PAMR1: variants seen among roughly 807,000 people sequenced by gnomAD.
PAMR1 encodes the protein peptidase domain containing associated with muscle regeneration 1.
PAMR1 carries 88 observed loss-of-function variants against 81.8 expected under a neutral mutation model. That is an observed-to-expected ratio of 1.08 (90% CI 0.91 to 1.28). The LOEUF is 1.28. Among genes scored for constraint, PAMR1 ranks in the 50% most tolerant of loss-of-function variants. The pLI is 0.00. For synonymous variants in PAMR1, 336 were observed against 345.3 expected (o/e 0.97, Z 0.30); for missense variants, 935 against 919.7 (o/e 1.02, Z -0.21).
At chr11:35,474,824 G>A (rs1590352450) in intron 3 of PAMR1, 80 bp from the exon 4 acceptor site, 1 of 861,906 alleles carries the variant, frequency 1.2e-6, no homozygotes, top group South Asian at 1.5e-5. Flanking sequence ...ACGAGACTTT[G>A]AGCACATGCC....
Position 35,444,021 on chromosome 11 carries a change from G to T in PAMR1, c.821-2328C>A, listed in dbSNP as rs117263168. ...TTTAAAATTCATAAGGAAGCAAAAA[G>T]ACCCCATATAGCCAAGACAATCCTA... On this transcript the variant is annotated intron_variant, in intron 6 of 10. Coordinates refer to ENST00000619888, the MANE Select transcript of PAMR1 (RefSeq NM_001001991.3). Among the ~76,000 whole-genome samples, 114 of 152,216 alleles carry T rather than the reference G, an allele frequency of 7.5e-4. 2 individuals are homozygous for T. In the East Asian group the frequency reaches 0.018, roughly 25 times the overall value.
intron 1 of PAMR1, among the ~76,000 whole-genome samples, chr11:35,504,911 T>G (rs1850922973): frequency 6.6e-6 from 1 of 151,990 alleles, no homozygotes; most frequent in Admixed American, 6.6e-5. Context: ...TACTTTGGGT[T>G]TTTTTGTTGT....
At chr11:35,432,940 G>C in intron 10 of PAMR1, 48 bp from the exon 11 acceptor site, 1 of 1,490,454 alleles carries the variant, frequency 6.7e-7, no homozygotes, top group Non-Finnish European at 9.0e-7. Context: ...CAGCTCCACA[G>C]TGGATAAGAA....
chr11:35,449,739 C>G (rs1258105160), intron 6 of PAMR1, among the ~76,000 whole-genome samples: 2 of 152,132 alleles, frequency 1.3e-5, no homozygotes, highest in African/African-American at 2.4e-5. Context: ...GGCATGGGCT[C>G]ACAAGGGGAT....
intron 6 of PAMR1, among the ~76,000 whole-genome samples, chr11:35,465,492 A>T (rs1195786846): frequency 6.6e-6 from 1 of 152,204 alleles, no homozygotes; most frequent in Non-Finnish European, 1.5e-5. Flanking sequence ...TTTCTAACTG[A>T]TAGACTGCTC....
chr11:35,507,049 T>A (rs1193022337), intron 1 of PAMR1, among the ~76,000 whole-genome samples: 2,543 of 139,674 alleles, frequency 0.018, 108 homozygotes, highest in African/African-American at 0.065. Flanking sequence ...CTTTTTTTTT[T>A]TTTTTTTTTT....
At chr11:35,437,220 T>C (rs1856071435) in intron 8 of PAMR1, among the ~76,000 whole-genome samples, 1 of 152,184 alleles carries the variant, frequency 6.6e-6, no homozygotes, top group Non-Finnish European at 1.5e-5. Flanking sequence ...GACTGTCACC[T>C]GAAAAGTTGA....
At chr11:35,461,296 A>T (rs1456921950) in intron 6 of PAMR1, among the ~76,000 whole-genome samples, 1 of 152,194 alleles carries the variant, frequency 6.6e-6, no homozygotes, top group Non-Finnish European at 1.5e-5. Context: ...GGCCCTTTCA[A>T]CACTGATGGG....
rs201670870 is a variant in PAMR1 at position 35,432,676 on chromosome 11, C to T, written c.1843G>A (p.Asp615Asn). ...ADVRSPGFKNDTLRSGVVSVV... is the reference protein window; with the variant it reads ...ADVRSPGFKNNTLRSGVVSVV... ...CTGACCACCCCAGAGCGCAGTGTGTCGTTCTTGAAGCCAGGGCTCCTCACG... is the reference window on the plus strand; with the variant it reads ...CTGACCACCCCAGAGCGCAGTGTGTTGTTCTTGAAGCCAGGGCTCCTCACG... The change falls in exon 11 of 11, where the codon GAC becomes AAC. Residue 615 changes from aspartate (D) to asparagine (N), a missense_variant. Coordinates refer to ENST00000619888, the MANE Select transcript of PAMR1 (RefSeq NM_001001991.3). The T allele has an allele frequency of 6.2e-4, 1,006 of 1,613,248 alleles. No individual in the cohort carries two copies. The highest frequency in any genetic ancestry group is 8.1e-4 in the Non-Finnish European group (952 of 1,179,396).
chr11:35,485,766 C>G (rs1033520766), intron 3 of PAMR1, among the ~76,000 whole-genome samples: 4 of 150,036 alleles, frequency 2.7e-5, no homozygotes, highest in Non-Finnish European at 5.9e-5. Context: ...CCCGCCACTC[C>G]TCCCTCCTTC....
intron 3 of PAMR1, among the ~76,000 whole-genome samples, chr11:35,489,935 C>G (rs1285881143): frequency 2.6e-5 from 4 of 152,224 alleles, no homozygotes; most frequent in Non-Finnish European, 4.4e-5. Context: ...TACCTACCTA[C>G]AAGGCTGTAT....
At chr11:35,525,379 C>T in intron 1 of PAMR1, 134 bp downstream of exon 1, 3 of 680,912 alleles carry the variant, frequency 4.4e-6, no homozygotes, top group South Asian at 1.9e-5. Flanking sequence ...GCACCACCCC[C>T]CCTCAACCCC....
At chr11:35,434,464 GT>G (rs746912414) in intron 10 of PAMR1, 47 bp downstream of exon 10, 2 of 1,576,788 alleles carry the variant, frequency 1.3e-6, no homozygotes, top group South Asian at 1.2e-5. Flanking sequence ...CGTGCTTGGA[GT>G]TTTTTTGAGC....
intron 1 of PAMR1, among the ~76,000 whole-genome samples, chr11:35,510,816 C>G (rs1851058920): frequency 1.3e-5 from 2 of 152,220 alleles, no homozygotes; most frequent in African/African-American, 4.8e-5. Flanking sequence ...GCAAGTGCTC[C>G]CCTGATCCCC....
At chr11:35,456,877 A>C (rs1271804669) in intron 6 of PAMR1, among the ~76,000 whole-genome samples, 6 of 152,232 alleles carry the variant, frequency 3.9e-5, no homozygotes, top group Non-Finnish European at 7.3e-5. Context: ...GAGCTTGTGC[A>C]TGTGCACACG....
intron 8 of PAMR1, among the ~76,000 whole-genome samples, chr11:35,436,716 C>A (rs1030618889): frequency 6.6e-6 from 1 of 151,854 alleles, no homozygotes; most frequent in Admixed American, 6.6e-5. Context: ...TGAGCAAATT[C>A]TCTTGTATAC....
intron 6 of PAMR1, among the ~76,000 whole-genome samples, chr11:35,463,125 T>C (rs1406703866): frequency 6.6e-6 from 1 of 152,226 alleles, no homozygotes; most frequent in African/African-American, 2.4e-5. Context: ...CATGTTTTCA[T>C]GAACACCCCA....
intron 3 of PAMR1, among the ~76,000 whole-genome samples, chr11:35,486,301 C>G (rs1407598994): frequency 6.6e-6 from 1 of 152,178 alleles, no homozygotes; most frequent in Non-Finnish European, 1.5e-5. Context: ...CAACACAGAT[C>G]GGATAGAATC....
Position 35,458,627 on chromosome 11 carries a change from T to C in PAMR1, c.820+9374A>G, listed in dbSNP as rs186252901. Among the ~76,000 whole-genome samples, 777 of 152,328 alleles carry C rather than the reference T, an allele frequency of 5.1e-3. 2 individuals are homozygous for C. Among genetic ancestry groups the C allele is most frequent in the Non-Finnish European group, 6.7e-3 (459 of 68,030 alleles). On this transcript the variant is annotated intron_variant, in intron 6 of 10. Transcript: ENST00000619888. ...GCAAAATTGATGACTGTCATCTAAC[T>C]GGTAGTAAGGGCCAGGGATGGAGAG...
Sources: gnomAD v4.1 joint callset for allele counts (sites outside exome capture counted in the v4.1 genomes callset) on GRCh38, gnomAD v4.1.1 for gene constraint, MANE v1.5 for transcripts, NCBI Gene and HGNC (gene_info 2026-07-23, HGNC 2026-07-21) for gene names.